The following PRKCB variants were observed in gnomAD, a reference collection of about 807,000 sequenced individuals.
PRKCB encodes the protein protein kinase C beta type.
A neutral mutation model predicts 81.5 loss-of-function variants in PRKCB; 13 were observed. The observed-to-expected ratio is 0.16, with a 90% confidence interval of 0.10 to 0.25. PRKCB has a LOEUF of 0.25. Ranked by LOEUF, PRKCB falls within the 10% of genes least tolerant of loss-of-function variation. The pLI, the probability that PRKCB is intolerant of heterozygous loss-of-function variation, is 1.00. For missense variants in PRKCB, 509 were observed against 875.7 expected (o/e 0.58, Z 5.29); for synonymous variants, 335 against 321.4 (o/e 1.04, Z -0.45).
chr16:23,852,407 G>A (rs762102725), intron 2 of PRKCB, among the ~76,000 whole-genome samples: 10 of 151,842 alleles, frequency 6.6e-5, no homozygotes, highest in Non-Finnish European at 1.3e-4. Context: ...TGTTAACATG[G>A]GTATCACATT....
At chr16:24,052,152 T>TAG (rs3051502) in intron 5 of PRKCB, among the ~76,000 whole-genome samples, 50,214 of 151,832 alleles carry the variant, frequency 0.33, 10,267 homozygotes, top group African/African-American at 0.58. Context: ...AGGATAGGCA[T>TAG]AGTTAAAAAT....
chr16:24,152,940 T>A (rs1967101169), intron 9 of PRKCB, among the ~76,000 whole-genome samples: 1 of 152,050 alleles, frequency 6.6e-6, no homozygotes, highest in South Asian at 2.1e-4. Context: ...GTGTCCCAAA[T>A]CCCTGCATCT....
intron 5 of PRKCB, among the ~76,000 whole-genome samples, chr16:24,041,984 G>A (rs1466666555): frequency 9.2e-6 from 1 of 108,932 alleles, no homozygotes; most frequent in African/African-American, 3.4e-5. Context: ...ACTCCATCTT[G>A]GAAAAAAAAA....
At position 24,054,437 on chromosome 16, in the gene PRKCB, G is replaced by A. The variant is rs143092476; in HGVS notation, c.529+18890G>A. On this transcript the variant is annotated intron_variant, in intron 5 of 16. Coordinates refer to ENST00000643927, the MANE Select transcript of PRKCB (RefSeq NM_002738.7). ...TCTGTAGAGGAGGCAACTGAAGCTC[G>A]GAAAGGTTAAATGACTTGGCCAGAT... Among the ~76,000 whole-genome samples, 1,170 of 152,262 alleles carry A rather than the reference G, an allele frequency of 7.7e-3. 23 individuals carry two copies. Among genetic ancestry groups the A allele is most frequent in the African/African-American group, 0.027 (1,129 of 41,530 alleles).
chr16:24,020,774 C>T (rs1965346780), intron 3 of PRKCB, among the ~76,000 whole-genome samples: 1 of 152,176 alleles, frequency 6.6e-6, no homozygotes, highest in African/African-American at 2.4e-5. Flanking sequence ...GCTTTCATAG[C>T]TTGTAAATGT....
At chr16:24,007,948 A>T (rs181525610) in intron 3 of PRKCB, among the ~76,000 whole-genome samples, 1 of 151,420 alleles carries the variant, frequency 6.6e-6, no homozygotes, top group Non-Finnish European at 1.5e-5. Flanking sequence ...TCATGCCCTC[A>T]TGAGGGCTCC....
At chr16:23,884,316 CA>C (rs1963166432) in intron 2 of PRKCB, among the ~76,000 whole-genome samples, 1 of 152,188 alleles carries the variant, frequency 6.6e-6, no homozygotes, top group Non-Finnish European at 1.5e-5. Flanking sequence ...GAGATTTCCC[CA>C]CATCATATAC....
At chr16:24,197,442 C>T (rs928330689) in intron 16 of PRKCB, among the ~76,000 whole-genome samples, 1 of 151,782 alleles carries the variant, frequency 6.6e-6, no homozygotes, top group African/African-American at 2.4e-5. Flanking sequence ...GCTTGCCTGG[C>T]ATGGTCAAGG....
Position 24,217,005 on chromosome 16 carries a change from A to G in PRKCB, c.*2189A>G, listed in dbSNP as rs1264540725. 1 of 985,270 alleles carries G rather than the reference A, an allele frequency of 1.0e-6. No homozygotes were observed. The highest frequency in any genetic ancestry group is 1.2e-6 in the Non-Finnish European group (1 of 829,940). 61.0% of individuals were successfully genotyped at this position (985,270 alleles called of 1,614,324 possible). On this transcript the variant is annotated 3_prime_UTR_variant, in exon 17 of 17. Transcript: ENST00000643927. ...ATTTTGCTTGGACATGCTCTCAGGA[A>G]GATAAAAACCATGGAGAAACACTAG... is the stretch of plus-strand genomic sequence containing the variant.
intron 5 of PRKCB, among the ~76,000 whole-genome samples, chr16:24,087,526 T>C (rs1358877247): frequency 6.6e-6 from 1 of 152,198 alleles, no homozygotes; most frequent in African/African-American, 2.4e-5. Context: ...CCTTAATAAA[T>C]CCTTCACTGG....
chr16:24,162,442 C>CTTT (rs564543744), intron 10 of PRKCB, among the ~76,000 whole-genome samples: 100 of 68,582 alleles, frequency 1.5e-3, no homozygotes, highest in African/African-American at 2.8e-3. Context: ...ACAGAGAAGA[C>CTTT]TTTTTTTTTT....
chr16:24,155,843 G>A (rs1333288423), intron 10 of PRKCB, among the ~76,000 whole-genome samples: 4 of 152,168 alleles, frequency 2.6e-5, no homozygotes, highest in Admixed American at 2.0e-4. Flanking sequence ...TTCACTGACT[G>A]TACGGTCTTG....
intron 2 of PRKCB, among the ~76,000 whole-genome samples, chr16:23,969,410 A>G (rs1016197400): frequency 2.6e-5 from 4 of 152,178 alleles, no homozygotes; most frequent in African/African-American, 9.7e-5. Context: ...TTCACTTAAA[A>G]TAATGTTTTT....
chr16:24,127,197 G>A (rs566117366), intron 9 of PRKCB, among the ~76,000 whole-genome samples: 194 of 150,924 alleles, frequency 1.3e-3, no homozygotes, highest in African/African-American at 4.6e-3. Context: ...GTAGAGACGG[G>A]GTTTCTCCAT....
chr16:23,972,141 C>T (rs1003095812), intron 2 of PRKCB, among the ~76,000 whole-genome samples: 4 of 152,098 alleles, frequency 2.6e-5, no homozygotes, highest in Non-Finnish European at 4.4e-5. Flanking sequence ...CACGTGCATG[C>T]GCGAGTCTCA....
At chr16:23,849,291 C>T (rs1962431523) in intron 2 of PRKCB, among the ~76,000 whole-genome samples, 1 of 152,204 alleles carries the variant, frequency 6.6e-6, no homozygotes, top group African/African-American at 2.4e-5. Flanking sequence ...GTTTATATCC[C>T]TTTTCGGTTG....
chr16:24,197,191 T>TAGA (rs1472884238), intron 16 of PRKCB, among the ~76,000 whole-genome samples: 4 of 152,224 alleles, frequency 2.6e-5, no homozygotes, highest in South Asian at 4.1e-4. Context: ...ATAATAAACA[T>TAGA]AGAAACAAGT....
intron 9 of PRKCB, among the ~76,000 whole-genome samples, chr16:24,132,970 A>G (rs1305382753): frequency 6.6e-6 from 1 of 152,048 alleles, no homozygotes; most frequent in Non-Finnish European, 1.5e-5. Flanking sequence ...GATTGCTTGA[A>G]ACTTAACATG....
intron 16 of PRKCB, among the ~76,000 whole-genome samples, chr16:24,193,614 C>T (rs374874409): frequency 6.6e-6 from 1 of 152,106 alleles, no homozygotes. Context: ...TGCACCCAGC[C>T]AAGAGAATCA....
Sources: allele counts gnomAD v4.1 joint callset (sites outside exome capture counted in the v4.1 genomes callset), GRCh38; gene constraint gnomAD v4.1.1; transcripts MANE v1.5; gene names NCBI Gene and HGNC (gene_info 2026-07-23, HGNC 2026-07-21).